The following DPP6 variants were observed in gnomAD, a reference collection of about 807,000 sequenced individuals.
DPP6 encodes dipeptidyl peptidase like 6.
DPP6 carries 69 observed loss-of-function variants against 122.6 expected under a neutral mutation model. The ratio of observed to expected loss-of-function variants is 0.56; its 90% CI spans 0.46 to 0.69. DPP6 has a LOEUF of 0.69. Among genes scored for constraint, DPP6 ranks in the 30% least tolerant of loss-of-function variants. The probability of loss-of-function intolerance (pLI) is 0.00; values close to 1 mark genes in which losing one functional copy is unlikely to be tolerated. For missense variants in DPP6, 928 were observed against 1,116.9 expected (o/e 0.83, Z 2.41); for synonymous variants, 418 against 433.1 (o/e 0.97, Z 0.43).
At chr7:154,616,257 A>G (rs993677911) in intron 5 of DPP6, among the ~76,000 whole-genome samples, 4 of 152,164 alleles carry the variant, frequency 2.6e-5, no homozygotes, top group Non-Finnish European at 5.9e-5. Context: ...GCTGATTCAC[A>G]GCTCCATCCC....
chr7:154,282,121 G>A lies in DPP6; in HGVS notation c.244-164093G>A, dbSNP rs536472506. Among the ~76,000 whole-genome samples the A allele has an allele frequency of 5.9e-5, 9 of 152,138 alleles. No homozygotes were observed. Among genetic ancestry groups the A allele is most frequent in the Admixed American group, 5.2e-4 (8 of 15,278 alleles). ...GTAATGATGTGTGTTGAGGGGTGGG[G>A]ACAGGGCTGGCACAGTGCCTGGCAT... On this transcript the variant is annotated intron_variant, in intron 1 of 25. Coordinates refer to ENST00000377770, the MANE Select transcript of DPP6 (RefSeq NM_130797.4). The surrounding 1 kb of genome is among the most constrained non-coding windows in gnomAD (Gnocchi z 4.8).
At chr7:153,961,640 C>T (rs1284046873) in intron 1 of DPP6, among the ~76,000 whole-genome samples, 1 of 151,752 alleles carries the variant, frequency 6.6e-6, no homozygotes, top group African/African-American at 2.4e-5. Context: ...ATTCTTATTA[C>T]ATTGTAACGT....
chr7:154,513,535 G>A (rs941578113), intron 3 of DPP6, among the ~76,000 whole-genome samples: 1 of 152,184 alleles, frequency 6.6e-6, no homozygotes, highest in South Asian at 2.1e-4. Context: ...ATGGGGGAAT[G>A]TAAGTGTGGA....
chr7:154,131,686 C>A (rs925774618), intron 1 of DPP6, among the ~76,000 whole-genome samples: 2 of 152,278 alleles, frequency 1.3e-5, no homozygotes, highest in East Asian at 1.9e-4. Flanking sequence ...AGGAACTAAC[C>A]TCGTCTGTAG....
intron 1 of DPP6, among the ~76,000 whole-genome samples, chr7:154,363,458 A>G (rs1227400860): frequency 6.6e-6 from 1 of 152,140 alleles, no homozygotes; most frequent in Non-Finnish European, 1.5e-5. Flanking sequence ...AAAAGGTTCA[A>G]AGTTGTCCAG....
the DPP6 span, among the ~76,000 whole-genome samples, chr7:153,776,056 TACTG>T: frequency 6.6e-6 from 1 of 152,180 alleles, no homozygotes. Context: ...TTTTTACAGA[TACTG>T]ACAAGTTCAT....
At chr7:154,227,319 T>C (rs555153908) in intron 1 of DPP6, among the ~76,000 whole-genome samples, 8 of 148,918 alleles carry the variant, frequency 5.4e-5, no homozygotes, top group African/African-American at 2.0e-4. Flanking sequence ...TTATACTAAG[T>C]GAAATAAGCC....
chr7:154,083,034 A>G (rs1165768081), intron 1 of DPP6, among the ~76,000 whole-genome samples: 1 of 151,556 alleles, frequency 6.6e-6, no homozygotes, highest in African/African-American at 2.4e-5. Context: ...ATTTTTTAGT[A>G]GAGACGGGGT....
At chr7:154,287,359 A>T (rs1804923505) in intron 1 of DPP6, among the ~76,000 whole-genome samples, 1 of 152,214 alleles carries the variant, frequency 6.6e-6, no homozygotes, top group Non-Finnish European at 1.5e-5. Flanking sequence ...CTGCCTTTCT[A>T]GATACAACGG....
intron 1 of DPP6, among the ~76,000 whole-genome samples, chr7:153,944,664 G>GTTTTTTTTT (rs139824215): frequency 2.8e-5 from 3 of 106,994 alleles, no homozygotes; most frequent in East Asian, 2.9e-4. Flanking sequence ...TTTTGTGTGG[G>GTTTTTTTTT]TTTTTTTTTT....
intron 1 of DPP6, among the ~76,000 whole-genome samples, chr7:153,960,177 C>T (rs1344145856): frequency 6.6e-6 from 1 of 151,924 alleles, no homozygotes; most frequent in South Asian, 2.1e-4. Flanking sequence ...GTACCTGTGG[C>T]CATTTCTTAA....
At chr7:154,376,624 A>G (rs1813151122) in intron 1 of DPP6, among the ~76,000 whole-genome samples, 10 of 152,212 alleles carry the variant, frequency 6.6e-5, no homozygotes, top group Admixed American at 5.2e-4. Context: ...TCAGCTCTTT[A>G]TACACACAAT....
chr7:154,441,669 G>A (rs1334057306), intron 1 of DPP6, among the ~76,000 whole-genome samples: 1 of 152,200 alleles, frequency 6.6e-6, no homozygotes, highest in Non-Finnish European at 1.5e-5. Flanking sequence ...ACCTGACAGA[G>A]AGGCGTGGGC....
chr7:154,378,765 C>G (rs12530824), intron 1 of DPP6, among the ~76,000 whole-genome samples: 1 of 152,100 alleles, frequency 6.6e-6, no homozygotes, highest in African/African-American at 2.4e-5. Flanking sequence ...CTCACAGTTC[C>G]GCATGGCTGG....
intron 2 of DPP6, among the ~76,000 whole-genome samples, chr7:154,450,008 CTAAATAAATAAATAAATAAA>C (rs66665335): frequency 9.4e-5 from 13 of 138,246 alleles, no homozygotes; most frequent in Admixed American, 4.4e-4. Flanking sequence ...GACTCCATCT[CTAAATAAATAAATAAATAAA>C]TAAATAAATA....
At chr7:154,581,543 G>A (rs1403577390) in intron 5 of DPP6, among the ~76,000 whole-genome samples, 1 of 152,206 alleles carries the variant, frequency 6.6e-6, no homozygotes, top group South Asian at 2.1e-4. Flanking sequence ...CCAGGGAGCT[G>A]GGGTGCCCTG....
At chr7:154,166,246 A>G (rs1232641636) in intron 1 of DPP6, among the ~76,000 whole-genome samples, 3 of 152,124 alleles carry the variant, frequency 2.0e-5, no homozygotes, top group South Asian at 2.1e-4. Flanking sequence ...ATGCAAAGCC[A>G]TGGCGTGTCA....
chr7:153,908,566 T>G (rs1799945236), intron 1 of DPP6, among the ~76,000 whole-genome samples: 1 of 152,218 alleles, frequency 6.6e-6, no homozygotes, highest in Non-Finnish European at 1.5e-5. Context: ...TCATTTTATG[T>G]AGCTCTTTTA....
intron 1 of DPP6, among the ~76,000 whole-genome samples, chr7:154,139,215 A>G (rs1795725948): frequency 6.8e-6 from 1 of 147,578 alleles, no homozygotes. Flanking sequence ...AGAATGGGGG[A>G]AGCTGGCAGT....
Sources: allele counts gnomAD v4.1 joint callset (sites outside exome capture counted in the v4.1 genomes callset), GRCh38; gene constraint gnomAD v4.1.1; non-coding constraint Gnocchi (gnomAD v3.1); transcripts MANE v1.5; gene names NCBI Gene and HGNC (gene_info 2026-07-23, HGNC 2026-07-21).